Variants in ERLN observed in about 807,000 individuals in gnomAD.
The protein encoded by ERLN is endoregulin, also known as small integral membrane protein 6.
At chr17:75,647,116 C>T in the ERLN span, among the ~76,000 whole-genome samples, 6 of 152,340 alleles carry the variant, frequency 3.9e-5, no homozygotes, top group Non-Finnish European at 8.8e-5. Flanking sequence ...CCAGGGGCAT[C>T]CCCTAGGAAG....
chr17:75,647,310 G>C, the ERLN span: 2 of 1,422,026 alleles, frequency 1.4e-6, no homozygotes, highest in African/African-American at 2.8e-5. Context: ...GCAGAGCATA[G>C]CACCTGGGAC....
chr17:75,647,463 C>A, the ERLN span: 1 of 1,550,132 alleles, frequency 6.5e-7, no homozygotes, highest in East Asian at 2.4e-5. Context: ...CAGTGATTAT[C>A]TTATTCATCA....
chr17:75,647,644 G>T, the ERLN span: 2 of 1,404,292 alleles, frequency 1.4e-6, no homozygotes, highest in Non-Finnish European at 1.9e-6. Context: ...CCCCTTCGCG[G>T]TTCCCTCTGG....
chr17:75,647,306 C>T, the ERLN span: 16 of 1,397,310 alleles, frequency 1.1e-5, no homozygotes, highest in Non-Finnish European at 1.5e-5. Context: ...GCGGGCAGAG[C>T]ATAGCACCTG....
At chr17:75,647,766 C>T in the ERLN span, 3 of 583,512 alleles carry the variant, frequency 5.1e-6, no homozygotes, top group Non-Finnish European at 9.3e-6. Flanking sequence ...TGGTCTGAGA[C>T]CAATTCTGGC....
At chr17:75,647,255 G>T in the ERLN span, 2 of 819,518 alleles carry the variant, frequency 2.4e-6, no homozygotes, top group Non-Finnish European at 3.7e-6. Context: ...GCTGCCAGGC[G>T]GGCCGGCTGC....
the ERLN span, chr17:75,647,318 G>A: frequency 2.7e-6 from 4 of 1,464,890 alleles, no homozygotes; most frequent in Non-Finnish European, 2.8e-6. Flanking sequence ...TAGCACCTGG[G>A]ACAGGGCCTG....
At chr17:75,647,248 G>GC in the ERLN span, 1 of 759,962 alleles carries the variant, frequency 1.3e-6, no homozygotes, top group Non-Finnish European at 2.1e-6. Context: ...TCCCCTGGCT[G>GC]CCAGGCGGGC....
chr17:75,647,580 G>A, the ERLN span: 6 of 1,549,336 alleles, frequency 3.9e-6, no homozygotes, highest in Non-Finnish European at 4.4e-6. Flanking sequence ...ACTTGCTGGG[G>A]ACTGAGATGG....
At chr17:75,647,026 A>C in the ERLN span, among the ~76,000 whole-genome samples, 6 of 152,320 alleles carry the variant, frequency 3.9e-5, no homozygotes, top group Admixed American at 3.9e-4. Flanking sequence ...GATGCTTTTT[A>C]GATTCTAGCC....
At chr17:75,646,379 G>C in the ERLN span, 1 of 152,540 alleles carries the variant, frequency 6.6e-6, no homozygotes, top group South Asian at 2.1e-4. Flanking sequence ...CAGGTGAGGC[G>C]GCCTGATGGC....
chr17:75,647,088 AAAG>A, the ERLN span, among the ~76,000 whole-genome samples: 1 of 152,212 alleles, frequency 6.6e-6, no homozygotes, highest in Non-Finnish European at 1.5e-5. Flanking sequence ...GCTACTCAGG[AAAG>A]AAGGACTGGA....
At chr17:75,647,143 T>A in the ERLN span, among the ~76,000 whole-genome samples, 4 of 152,192 alleles carry the variant, frequency 2.6e-5, no homozygotes, top group African/African-American at 9.6e-5. Context: ...GGGCCCCACT[T>A]CTTGCGCCAG....
the ERLN span, chr17:75,646,345 A>G: frequency 6.6e-6 from 1 of 152,068 alleles, no homozygotes; most frequent in Non-Finnish European, 1.5e-5. Flanking sequence ...CGTCACCCAG[A>G]CAGAGGACAG....
At chr17:75,646,661 CTTT>C in the ERLN span, 1 of 152,354 alleles carries the variant, frequency 6.6e-6, no homozygotes. Context: ...ACAGTTGCTT[CTTT>C]GAGTCAGGGT....
At chr17:75,647,392 T>A in the ERLN span, 7 of 1,549,370 alleles carry the variant, frequency 4.5e-6, no homozygotes, top group South Asian at 1.2e-5. Context: ...CCAACTGGTA[T>A]TCAAAGAGAC....
the ERLN span, among the ~76,000 whole-genome samples, chr17:75,647,016 G>C: frequency 6.6e-6 from 1 of 152,232 alleles, no homozygotes; most frequent in Non-Finnish European, 1.5e-5. Flanking sequence ...ACTCTATCAT[G>C]ATGCTTTTTA....
At chr17:75,647,714 G>GT in the ERLN span, 6 of 753,238 alleles carry the variant, frequency 8.0e-6, no homozygotes, top group Non-Finnish European at 1.3e-5. Context: ...GTAAAATACT[G>GT]TATCTGGCTT....
chr17:75,647,275 C>A, the ERLN span: 2 of 1,073,448 alleles, frequency 1.9e-6, no homozygotes, highest in Non-Finnish European at 1.3e-6. Flanking sequence ...CTCACAGAGG[C>A]TGCTACAGAG....
Sources: gnomAD v4.1 joint callset for allele counts (sites outside exome capture counted in the v4.1 genomes callset) on GRCh38, gnomAD v4.1.1 for gene constraint, MANE v1.5 for transcripts, NCBI Gene and HGNC (gene_info 2026-07-23, HGNC 2026-07-21) for gene names.